Variants in PCDHGB1 observed in about 807,000 individuals in gnomAD.
PCDHGB1 encodes protocadherin gamma subfamily B, 1, also known as protocadherin gamma-B1.
Under a neutral mutation model 56.6 loss-of-function variants are expected in PCDHGB1, and 34 were observed. The observed-to-expected ratio is 0.60, with a 90% CI of 0.46 to 0.80. The LOEUF (loss-of-function observed/expected upper bound fraction) is 0.80, where lower values mean the gene tolerates loss of function less well. Ranked by LOEUF, PCDHGB1 falls within the 30% of genes least tolerant of loss-of-function variation. PCDHGB1 has a pLI of 0.00. For synonymous variants in PCDHGB1, 561 were observed against 505.9 expected, an observed-to-expected ratio of 1.11 and a Z score of -1.46; for missense variants, 1,278 against 1,204.6, an observed-to-expected ratio of 1.06 and a Z score of -0.90.
At chr5:141,382,657 C>T (rs1385150684) in intron 1 of PCDHGB1, 5 of 416,908 alleles carry the variant, frequency 1.2e-5, no homozygotes, top group Non-Finnish European at 2.1e-5. Flanking sequence ...AGTAAGGACT[C>T]ACAGCGCCGC....
intron 1 of PCDHGB1, chr5:141,366,029 C>T (rs766110369): frequency 4.3e-6 from 7 of 1,614,260 alleles, no homozygotes; most frequent in Non-Finnish European, 5.9e-6. Context: ...GTACCCCGCC[C>T]TCCCCACAGA....
chr5:141,387,143 G>A (rs1310461267), intron 1 of PCDHGB1, among the ~76,000 whole-genome samples: 3 of 152,158 alleles, frequency 2.0e-5, no homozygotes, highest in Admixed American at 6.5e-5. Flanking sequence ...TATTGGGAAG[G>A]GGGTGTATTT....
chr5:141,416,828 C>T (rs1014962852), intron 1 of PCDHGB1: 2 of 152,042 alleles, frequency 1.3e-5, no homozygotes, highest in African/African-American at 4.8e-5. Context: ...CGAAGTTTCT[C>T]AAGACCCTTA....
At chr5:141,356,726 C>G (rs1209862693) in intron 1 of PCDHGB1, 5 of 1,614,024 alleles carry the variant, frequency 3.1e-6, no homozygotes, top group Admixed American at 1.7e-5. Flanking sequence ...TCCATCAACT[C>G]CAATACAGGG....
chr5:141,439,056 T>C (rs2098084461), intron 1 of PCDHGB1, among the ~76,000 whole-genome samples: 1 of 151,260 alleles, frequency 6.6e-6, no homozygotes, highest in Non-Finnish European at 1.5e-5. Flanking sequence ...TTCCATATTG[T>C]GTGGCAGGCG....
chr5:141,454,893 C>T (rs1414320972), intron 1 of PCDHGB1, among the ~76,000 whole-genome samples: 7 of 146,892 alleles, frequency 4.8e-5, no homozygotes, highest in Admixed American at 1.4e-4. Flanking sequence ...CTGCTAGCAC[C>T]GCCTCCCGGG....
chr5:141,427,810 G>A (rs2097074260), intron 1 of PCDHGB1: 1 of 1,523,990 alleles, frequency 6.6e-7, no homozygotes, highest in Non-Finnish European at 9.0e-7. Flanking sequence ...AGCGCACAGA[G>A]CGGGGTGGTG....
Position 141,489,213 on chromosome 5 carries a change from T to G in PCDHGB1, c.2410-5594T>G, listed in dbSNP as rs372898969. 11 of 1,473,392 alleles carry G rather than the reference T, an allele frequency of 7.5e-6. No homozygotes were observed. The highest frequency in any genetic ancestry group is 6.4e-6 in the Non-Finnish European group (7 of 1,091,332). 91.3% of individuals were successfully genotyped at this position (1,473,392 alleles called of 1,614,324 possible). On this transcript the variant is annotated intron_variant, in intron 1 of 3. Coordinates refer to ENST00000523390, the MANE Select transcript of PCDHGB1 (RefSeq NM_018922.3). This position sits in a 1 kb window ranked among gnomAD's most constrained non-coding sequence, Gnocchi z 4.5. Reference sequence around the variant, plus strand: ...ACCTTGGAGACAGGACAGCACAGACTTACTCTCCACAAAGGGACTTCTGGG... The same window carrying G: ...ACCTTGGAGACAGGACAGCACAGACGTACTCTCCACAAAGGGACTTCTGGG...
chr5:141,474,685 T>G (rs1562045980), intron 1 of PCDHGB1, among the ~76,000 whole-genome samples: 1 of 152,224 alleles, frequency 6.6e-6, no homozygotes, highest in Non-Finnish European at 1.5e-5. Flanking sequence ...GCCTACCCCT[T>G]CACTTATGTT....
At chr5:141,410,362 C>A (rs1270552318) in intron 1 of PCDHGB1, 13 of 1,613,954 alleles carry the variant, frequency 8.1e-6, no homozygotes, top group Non-Finnish European at 1.0e-5. Context: ...GCTCTCTCAG[C>A]CCTGCTACTT....
intron 1 of PCDHGB1, chr5:141,427,048 C>T (rs1257232583): frequency 4.4e-6 from 2 of 457,350 alleles, no homozygotes; most frequent in South Asian, 1.5e-5. Context: ...AATGTGCCCC[C>T]AGGCACCTCT....
At chr5:141,483,988 G>A (rs78891657) in intron 1 of PCDHGB1, among the ~76,000 whole-genome samples, 1,520 of 149,036 alleles carry the variant, frequency 0.01, 30 homozygotes, top group African/African-American at 0.037. Flanking sequence ...TAGCTAGGTT[G>A]CTGGGAGGTC....
Position 141,491,686 on chromosome 5 carries a change from C to A in PCDHGB1, c.2410-3121C>A. The A allele has an allele frequency of 6.2e-7, 1 of 1,612,970 alleles. No homozygotes were observed. The highest frequency in any genetic ancestry group is 8.5e-7 in the Non-Finnish European group (1 of 1,179,558). Reference sequence around the variant, plus strand: ...CATCCGGTCCCGCTCTAATACGCTGCGGGAGCGGAGCCAGGTGAGGGGCTC... The same window carrying A: ...CATCCGGTCCCGCTCTAATACGCTGAGGGAGCGGAGCCAGGTGAGGGGCTC... On this transcript the variant is annotated intron_variant, in intron 1 of 3. Coordinates refer to ENST00000523390, the MANE Select transcript of PCDHGB1 (RefSeq NM_018922.3). The surrounding 1 kb of genome is among the most constrained non-coding windows in gnomAD (Gnocchi z 6.9).
intron 1 of PCDHGB1, among the ~76,000 whole-genome samples, chr5:141,359,452 A>G (rs1417222684): frequency 6.6e-6 from 1 of 151,658 alleles, no homozygotes; most frequent in Non-Finnish European, 1.5e-5. Context: ...TTTAGCAAAT[A>G]ACAATTTTGA....
At chr5:141,452,003 T>C (rs1031228207) in intron 1 of PCDHGB1, among the ~76,000 whole-genome samples, 2 of 152,210 alleles carry the variant, frequency 1.3e-5, no homozygotes, top group Non-Finnish European at 2.9e-5. Context: ...CAAAATCACT[T>C]GGTCCAGCCC....
At chr5:141,507,003 G>A (rs569257489) in intron 3 of PCDHGB1, 3 of 152,342 alleles carry the variant, frequency 2.0e-5, no homozygotes, top group African/African-American at 7.2e-5. Context: ...CGACAGATGA[G>A]AGAACCGAGA....
At chr5:141,385,023 C>T in intron 1 of PCDHGB1, 1 of 1,614,170 alleles carries the variant, frequency 6.2e-7, no homozygotes, top group East Asian at 2.2e-5. Flanking sequence ...TAGCCTTCGT[C>T]CTCGTACTGC....
rs765743251 is a variant in PCDHGB1 at position 141,476,488 on chromosome 5, G to A, written c.2410-18319G>A. ...TGGAGCTGTTCAGCGTGGAAGTGGTGATCCAGGACATCAACGACAACAATC... is the reference window on the plus strand; with the variant it reads ...TGGAGCTGTTCAGCGTGGAAGTGGTAATCCAGGACATCAACGACAACAATC... On this transcript the variant is annotated intron_variant, in intron 1 of 3. Coordinates refer to ENST00000523390, the MANE Select transcript of PCDHGB1 (RefSeq NM_018922.3). This position sits in a 1 kb window ranked among gnomAD's most constrained non-coding sequence, Gnocchi z 7.6. 4 of 1,613,932 alleles carry A rather than the reference G, an allele frequency of 2.5e-6. No homozygotes were observed. Among genetic ancestry groups the A allele is most frequent in the Non-Finnish European group, 3.4e-6 (4 of 1,180,016 alleles).
chr5:141,352,099 C>A lies in PCDHGB1; in HGVS notation c.1839C>A (p.Phe613Leu). 1 of 1,605,968 alleles carries A rather than the reference C, an allele frequency of 6.2e-7. No homozygotes were observed. The highest frequency in any genetic ancestry group is 1.1e-5 in the South Asian group (1 of 90,800). ...HVLQASEPGLFSLGLRTGEVR... is the reference protein window; with the variant it reads ...HVLQASEPGLLSLGLRTGEVR... Reference sequence around the variant, plus strand: ...TGCAGGCCAGCGAGCCCGGGCTCTTCAGCCTGGGGTTGCGCACGGGTGAGG... The same window carrying A: ...TGCAGGCCAGCGAGCCCGGGCTCTTAAGCCTGGGGTTGCGCACGGGTGAGG... Residue 613 changes from phenylalanine (F) to leucine (L), a missense_variant, in exon 1 of 4, where the codon TTC (phenylalanine) becomes TTA (leucine). Physicochemically the swap from Phe to Leu is conservative, Grantham distance 22 (BLOSUM62 0). Transcript: ENST00000523390.
Sources: gnomAD v4.1 joint callset for allele counts (sites outside exome capture counted in the v4.1 genomes callset) on GRCh38, gnomAD v4.1.1 for gene constraint, Gnocchi (gnomAD v3.1) non-coding constraint, MANE v1.5 for transcripts, NCBI Gene and HGNC (gene_info 2026-07-23, HGNC 2026-07-21) for gene names.